ENTHD1: variants seen among roughly 807,000 people sequenced by gnomAD.
The protein encoded by ENTHD1 is ENTH domain-containing protein 1.
In ENTHD1, 23 loss-of-function variants were observed where a neutral mutation model predicts 39.1. The observed-to-expected ratio is 0.59, with a 90% CI of 0.42 to 0.83. The LOEUF (loss-of-function observed/expected upper bound fraction) is 0.83. Ranked by LOEUF, ENTHD1 falls within the 40% of genes least tolerant of loss-of-function variation. ENTHD1 has a pLI of 0.00. For missense variants in ENTHD1, 624 were observed against 705.4 expected, an observed-to-expected ratio of 0.88 and a Z score of 1.31; for synonymous variants, 230 against 258.2, an observed-to-expected ratio of 0.89 and a Z score of 1.05.
chr22:39,880,305 A>T (rs113237111), intron 2 of ENTHD1, among the ~76,000 whole-genome samples: 140 of 152,340 alleles, frequency 9.2e-4, no homozygotes, highest in Middle Eastern at 3.4e-3. Flanking sequence ...GAAAAGATCA[A>T]TGCTTGCAGG....
At chr22:39,752,106 G>A (rs1371208201) in intron 6 of ENTHD1, among the ~76,000 whole-genome samples, 1 of 152,012 alleles carries the variant, frequency 6.6e-6, no homozygotes, top group Non-Finnish European at 1.5e-5. Context: ...AGAAGAGAGA[G>A]AGAAATAGAT....
intron 3 of ENTHD1, among the ~76,000 whole-genome samples, chr22:39,855,672 C>A (rs1212655045): frequency 6.6e-6 from 1 of 151,514 alleles, no homozygotes; most frequent in Non-Finnish European, 1.5e-5. Context: ...GGCTAGAAGG[C>A]AGATGTGATG....
intron 2 of ENTHD1, among the ~76,000 whole-genome samples, chr22:39,884,542 C>T (rs2066365480): frequency 6.7e-6 from 1 of 149,844 alleles, no homozygotes; most frequent in Non-Finnish European, 1.5e-5. Flanking sequence ...ATGCAAGAGA[C>T]TCAGAATAGA....
intron 5 of ENTHD1, among the ~76,000 whole-genome samples, chr22:39,793,966 T>C (rs2065526167): frequency 6.6e-6 from 1 of 152,184 alleles, no homozygotes; most frequent in Admixed American, 6.5e-5. Flanking sequence ...TTCATGTGAT[T>C]TTAGGATTGT....
intron 5 of ENTHD1, among the ~76,000 whole-genome samples, chr22:39,801,076 T>C (rs1406838944): frequency 6.6e-6 from 1 of 152,202 alleles, no homozygotes; most frequent in African/African-American, 2.4e-5. Context: ...TAAGATATGA[T>C]TATCATAGAC....
intron 5 of ENTHD1, among the ~76,000 whole-genome samples, chr22:39,767,663 C>T (rs2065287613): frequency 6.6e-6 from 1 of 152,126 alleles, no homozygotes. Context: ...AAATGTTTTG[C>T]TCTATATGTA....
chr22:39,799,736 A>C (rs2146614414), intron 5 of ENTHD1, among the ~76,000 whole-genome samples: 1 of 152,352 alleles, frequency 6.6e-6, no homozygotes, highest in East Asian at 1.9e-4. Flanking sequence ...GTTAAGAGAC[A>C]GAATTTTTCA....
intron 2 of ENTHD1, among the ~76,000 whole-genome samples, chr22:39,879,034 G>C (rs2066313259): frequency 6.6e-6 from 1 of 151,752 alleles, no homozygotes; most frequent in Non-Finnish European, 1.5e-5. Context: ...CCACAGACTG[G>C]GAGAAAATAT....
chr22:39,861,488 T>C (rs1204837147), intron 3 of ENTHD1, among the ~76,000 whole-genome samples: 3 of 152,056 alleles, frequency 2.0e-5, no homozygotes. Flanking sequence ...TGCAGTGAGC[T>C]GAGATAGTGC....
chr22:39,820,374 A>T (rs773696331), intron 5 of ENTHD1, among the ~76,000 whole-genome samples: 25 of 152,226 alleles, frequency 1.6e-4, no homozygotes, highest in Non-Finnish European at 3.4e-4. Context: ...TTTCGTTCTC[A>T]TGGTGGCAGA....
At chr22:39,827,014 A>ATTTT (rs1269713696) in intron 4 of ENTHD1, among the ~76,000 whole-genome samples, 1 of 135,858 alleles carries the variant, frequency 7.4e-6, no homozygotes, top group African/African-American at 2.7e-5. Context: ...TGCCCAACTA[A>ATTTT]TTTTTTTTTT....
At chr22:39,857,624 G>A (rs1050149301) in intron 3 of ENTHD1, among the ~76,000 whole-genome samples, 2 of 152,078 alleles carry the variant, frequency 1.3e-5, no homozygotes, top group South Asian at 2.1e-4. Flanking sequence ...CTACCCTGCT[G>A]TTCCCTCTGC....
chr22:39,746,160 G>A (rs2065103066), intron 6 of ENTHD1, among the ~76,000 whole-genome samples: 1 of 151,864 alleles, frequency 6.6e-6, no homozygotes, highest in Non-Finnish European at 1.5e-5. Context: ...TAGATCTCTT[G>A]GACTAGTCTT....
intron 6 of ENTHD1, among the ~76,000 whole-genome samples, chr22:39,745,692 A>C (rs1346196973): frequency 6.6e-6 from 1 of 152,234 alleles, no homozygotes; most frequent in Non-Finnish European, 1.5e-5. Flanking sequence ...AAAGGTGGAA[A>C]GATGGTAGTG....
In ENTHD1 at chr22:39,835,893, T is replaced by C. The variant is rs1165217833; in HGVS notation, c.658A>G (p.Met220Val). ...CQDVHLPTET[M>V]LSQETLPLKI... is the part of the protein sequence containing the mutation. Reference sequence around the variant, plus strand: ...AGTGGAAGTGTTTCCTGGGACAACATAGTTTCTGTAGGCAAATGAACATCT... The same window carrying C: ...AGTGGAAGTGTTTCCTGGGACAACACAGTTTCTGTAGGCAAATGAACATCT... The change falls in exon 4 of 7, where the codon ATG (methionine) becomes GTG (valine). Residue 220 changes from methionine to valine, a missense_variant. Met to Val is a conservative substitution (Grantham distance 21, BLOSUM62 1). Coordinates refer to ENST00000325157, the MANE Select transcript of ENTHD1 (RefSeq NM_152512.4). The C allele has an allele frequency of 1.2e-6, 2 of 1,609,340 alleles. No homozygotes were observed. The highest frequency in any genetic ancestry group is 1.7e-6 in the Non-Finnish European group (2 of 1,177,560).
Position 39,743,704 on chromosome 22 carries a change from G to T in ENTHD1, c.1799C>A (p.Ser600Tyr), listed in dbSNP as rs763967798. 6.2e-7 allele frequency: 1 copy of T among 1,612,580 alleles called. No individual in the cohort carries two copies. The highest frequency in any genetic ancestry group is 8.5e-7 in the Non-Finnish European group (1 of 1,179,216). The change falls in exon 7 of 7, where the codon TCT (serine) becomes TAT (tyrosine). Residue 600 changes from serine to tyrosine, a missense_variant. Physicochemically the swap from Ser to Tyr is moderately radical, Grantham distance 144 (BLOSUM62 -2). Transcript: ENST00000325157. ...ISQSSQVPQS[S>Y]EGSSDQI ...TTAGATCTGATCTGAGCTCCCCTCA[G>T]AAGACTGGGGGACCTGGGAAGACTG...
intron 5 of ENTHD1, 41 bp from the exon 6 acceptor site, chr22:39,765,650 C>CT (rs759744576): frequency 6.7e-7 from 1 of 1,498,322 alleles, no homozygotes; most frequent in Admixed American, 2.2e-5. Context: ...AAAAATAAAA[C>CT]TGAAAATACT....
intron 5 of ENTHD1, among the ~76,000 whole-genome samples, chr22:39,806,656 A>G (rs2065642967): frequency 6.6e-6 from 1 of 152,126 alleles, no homozygotes; most frequent in Non-Finnish European, 1.5e-5. Context: ...AAAAAACTAC[A>G]GTGGCTTTGG....
chr22:39,892,977 A>G (rs1443848727), intron 1 of ENTHD1, among the ~76,000 whole-genome samples: 2 of 152,158 alleles, frequency 1.3e-5, no homozygotes, highest in Admixed American at 1.3e-4. Context: ...AATCTTCCAG[A>G]GCTTACCATG....
Sources: gnomAD v4.1 joint callset for allele counts (sites outside exome capture counted in the v4.1 genomes callset) on GRCh38, gnomAD v4.1.1 for gene constraint, MANE v1.5 for transcripts, NCBI Gene and HGNC (gene_info 2026-07-23, HGNC 2026-07-21) for gene names.